Variants in MACF1 observed in about 807,000 individuals in gnomAD.
The protein encoded by MACF1 is microtubule actin crosslinking factor 1.
MACF1 carries 193 observed loss-of-function variants against 854.8 expected under a neutral mutation model. The observed-to-expected ratio is 0.23, with a 90% CI of 0.20 to 0.25. The LOEUF is 0.25. MACF1 is among the 10% of genes least tolerant of loss of function. The pLI is 1.00. For missense variants in MACF1, 7,722 were observed against 8,929.1 expected, an observed-to-expected ratio of 0.86 and a Z score of 5.45; for synonymous variants, 3,185 against 3,226.7, an observed-to-expected ratio of 0.99 and a Z score of 0.44.
chr1:39,267,355 T>C (rs1645245691), intron 6 of MACF1, among the ~76,000 whole-genome samples: 1 of 152,150 alleles, frequency 6.6e-6, no homozygotes, highest in Non-Finnish European at 1.5e-5. Flanking sequence ...CTCAGCCTCC[T>C]GAATAGCTGG....
chr1:39,269,361 G>T, intron 6 of MACF1: 1 of 1,289,872 alleles, frequency 7.8e-7, no homozygotes, highest in Non-Finnish European at 1.0e-6. Flanking sequence ...GGGCTGGAGT[G>T]TGGAGGAAGG....
chr1:39,470,248 A>G (rs1159607448), intron 97 of MACF1, among the ~76,000 whole-genome samples: 1 of 152,214 alleles, frequency 6.6e-6, no homozygotes, highest in East Asian at 1.9e-4. Context: ...TTTCACATGA[A>G]TTCAGATATG....
intron 22 of MACF1, 139 bp from the exon 23 acceptor site, chr1:39,302,785 A>G (rs1368008023): frequency 1.4e-6 from 1 of 718,050 alleles, no homozygotes; most frequent in Admixed American, 3.0e-5. Context: ...CAAAAATCAG[A>G]AGCCCTCACT....
rs145981577 is a variant in MACF1 at position 39,186,092 on chromosome 1, A to C, written c.221-45090A>C. Among the ~76,000 whole-genome samples the C allele has an allele frequency of 2.7e-3, 404 of 151,868 alleles. 1 individual carries two copies. Among genetic ancestry groups the C allele is most frequent in the Middle Eastern group, 0.014 (4 of 294 alleles). Reference sequence around the variant, plus strand: ...TTAATCATGAGGTAGAGGAGTGGATAAGGGAGAAATATCTGAAACCCAATT... The same window carrying C: ...TTAATCATGAGGTAGAGGAGTGGATCAGGGAGAAATATCTGAAACCCAATT... On this transcript the variant is annotated intron_variant, in intron 2 of 93. Transcript: ENST00000361689.
intron 38 of MACF1, 80 bp downstream of exon 38, chr1:39,337,411 C>T: frequency 1.4e-6 from 2 of 1,426,392 alleles, no homozygotes; most frequent in Non-Finnish European, 1.9e-6. Context: ...TCAAGACTTA[C>T]TAGAACCTGC....
intron 2 of MACF1, among the ~76,000 whole-genome samples, chr1:39,194,819 G>A (rs1644301337): frequency 6.6e-6 from 1 of 151,780 alleles, no homozygotes; most frequent in Non-Finnish European, 1.5e-5. Context: ...AGCCTCCCAA[G>A]TAGCTAGAAC....
chr1:39,281,443 A>G (rs915057347), intron 6 of MACF1, among the ~76,000 whole-genome samples: 1 of 144,886 alleles, frequency 6.9e-6, no homozygotes. Flanking sequence ...TCTTTTTCTT[A>G]AATTTGGTAA....
At position 39,283,514 on chromosome 1, in the gene MACF1, C is replaced by A; in HGVS notation, c.914C>A (p.Thr305Lys). The change falls in exon 9 of 101, where the codon ACG becomes AAG. Residue 305 changes from threonine to lysine, a missense_variant and splice_region_variant. This residue lies in a region of MACF1 where 97 missense variants were observed against 130.4 expected (regional missense o/e 0.74). Transcript: ENST00000564288. This position sits in a 1 kb window ranked among gnomAD's most constrained non-coding sequence, Gnocchi z 4.5. The stretch of plus-strand genomic sequence containing the variant: ...GAGGGTGGAGAAGGGATCAGTGCTA[C>A]GGTAAAAGAACATTTTCCTAGAAGG... The part of the protein sequence containing the change: ...VPEGGEGISA[T>K]EVDSRWQEYQ... 6.3e-7 allele frequency: 1 copy of A among 1,588,782 alleles called. No homozygotes were observed. The highest frequency in any genetic ancestry group is 1.1e-5 in the South Asian group (1 of 90,440).
At chr1:39,140,386 T>C (rs1643311850) in intron 2 of MACF1, among the ~76,000 whole-genome samples, 1 of 152,232 alleles carries the variant, frequency 6.6e-6, no homozygotes, top group Non-Finnish European at 1.5e-5. Flanking sequence ...TACTTTGTAC[T>C]GTCCTTAGAT....
intron 2 of MACF1, among the ~76,000 whole-genome samples, chr1:39,174,010 A>G (rs1286804451): frequency 6.6e-6 from 1 of 152,048 alleles, no homozygotes; most frequent in East Asian, 1.9e-4. Flanking sequence ...GGAAGGAATG[A>G]TAGCTAAATA....
chr1:39,337,072 T>C, intron 37 of MACF1, 110 bp from the exon 38 acceptor site: 1 of 938,190 alleles, frequency 1.1e-6, no homozygotes, highest in Non-Finnish European at 1.6e-6. Context: ...TATCCCACTC[T>C]ATGTGCAGTA....
chr1:39,388,800 G>A lies in MACF1; in HGVS notation c.15816+142G>A, dbSNP rs1023978017. 1.4e-5 allele frequency: 9 copies of A among 639,126 alleles called. No homozygotes were observed. The Admixed American group carries it at 2.3e-4, about 16-fold the overall frequency. The allele number at this position is 639,126 out of a possible 1,614,324, so 39.6% of individuals were successfully genotyped here. On this transcript the variant is annotated intron_variant, in intron 58 of 100. Transcript: ENST00000564288. ...TCACCATGAAAGCACACTGTCTGAA[G>A]ACTAAATAGTCTCTCGGACTTCTGA...
chr1:39,164,419 A>C (rs1000660550), intron 2 of MACF1, among the ~76,000 whole-genome samples: 1 of 152,230 alleles, frequency 6.6e-6, no homozygotes, highest in Admixed American at 6.5e-5. Flanking sequence ...CTTCAGGCTT[A>C]GTGGCCAGTT....
rs755349705 is a variant in MACF1 at position 39,334,440 on chromosome 1, A to ATTG, written c.7854_7856dup (p.Val2619dup). Reference sequence around the variant, plus strand: ...ATTGTCTCCAGGAATGATGCATGGCATTGTAGATCCCGAGAACTGCAGAAT... The same window carrying ATTG: ...ATTGTCTCCAGGAATGATGCATGGCATTGTTGTAGATCCCGAGAACTGCAGAAT... On this transcript the variant is annotated inframe_insertion, in exon 37 of 101. Coordinates refer to ENST00000564288, the MANE Select transcript of MACF1 (RefSeq NM_001394062.1). 1.9e-5 allele frequency: 30 copies of ATTG among 1,613,992 alleles called. 1 individual carries two copies. The South Asian group carries it at 3.3e-4, about 18-fold the overall frequency.
In MACF1 at chr1:39,423,953, T is replaced by C. The variant is rs542005168; in HGVS notation, c.16150-75T>C. The C allele has an allele frequency of 1.5e-4, 210 of 1,364,752 alleles. 1 individual carries two copies. The highest frequency in any genetic ancestry group is 2.0e-4 in the Non-Finnish European group (204 of 997,796). 84.5% of individuals were successfully genotyped at this position (1,364,752 alleles called of 1,614,324 possible). On this transcript the variant is annotated intron_variant, in intron 60 of 100. Coordinates refer to ENST00000564288, the MANE Select transcript of MACF1 (RefSeq NM_001394062.1). ...TTAGGATTTGGCGGGTTGGTTTCTT[T>C]TGTTTTTTTTCTTTCTTCCTAGTTC...
In MACF1 at chr1:39,296,831, G is replaced by GAAAAGAAAGAAAGA. The variant is rs1553228118; in HGVS notation, c.2356-787_2356-786insAAGAAAGAAAGAAA. Among the ~76,000 whole-genome samples, 627 of 124,562 alleles carry GAAAAGAAAGAAAGA rather than the reference G, an allele frequency of 5.0e-3. 9 individuals carry two copies. The highest frequency in any genetic ancestry group is 0.013 in the Middle Eastern group (3 of 240). 81.7% of individuals were successfully genotyped at this position (124,562 alleles called of 152,430 possible). A position where few individuals can be genotyped will look rare whatever the true frequency, so the allele number is the denominator to read the frequency against. On this transcript the variant is annotated intron_variant, in intron 20 of 100. Coordinates refer to ENST00000564288, the MANE Select transcript of MACF1 (RefSeq NM_001394062.1). ...GAAAGAAAGGAAGGAAGGAAGGAAG[G>GAAAAGAAAGAAAGA]AAGGAAGGAAGGAAAAGAAAGAAAG...
intron 17 of MACF1, 28 bp from the exon 18 acceptor site, chr1:39,293,430 C>T (rs766656065): frequency 6.3e-7 from 1 of 1,586,472 alleles, no homozygotes; most frequent in Non-Finnish European, 8.6e-7. Flanking sequence ...GGCTGCCAGT[C>T]TAATCTTATA....
chr1:39,244,097 T>G (rs1011751381), intron 2 of MACF1, among the ~76,000 whole-genome samples: 8 of 151,948 alleles, frequency 5.3e-5, no homozygotes, highest in African/African-American at 1.9e-4. Context: ...TATTTATTTA[T>G]TTTTTATTAA....
Position 39,315,509 on chromosome 1 carries a change from G to A in MACF1, c.3271-4G>A, listed in dbSNP as rs1434874434. On this transcript the variant is annotated splice_polypyrimidine_tract_variant and splice_region_variant and intron_variant, in intron 26 of 100. Coordinates refer to ENST00000564288, the MANE Select transcript of MACF1 (RefSeq NM_001394062.1). Reference sequence around the variant, plus strand: ...CCTCTTTATGTGTGTCTTGTTCCTGGCAGCACACCCAGGAGGATTTACAGC... The same window carrying A: ...CCTCTTTATGTGTGTCTTGTTCCTGACAGCACACCCAGGAGGATTTACAGC... 2 of 1,613,604 alleles carry A rather than the reference G, an allele frequency of 1.2e-6. No homozygotes were observed. The highest frequency in any genetic ancestry group is 2.2e-5 in the South Asian group (2 of 91,022).
Sources: gnomAD v4.1 joint callset for allele counts (sites outside exome capture counted in the v4.1 genomes callset) on GRCh38, gnomAD v4.1.1 for gene constraint, gnomAD v4.1.1 regional missense constraint, Gnocchi (gnomAD v3.1) non-coding constraint, MANE v1.5 for transcripts, NCBI Gene and HGNC (gene_info 2026-07-23, HGNC 2026-07-21) for gene names.